The following HDAC9 variants were observed in gnomAD, a reference collection of about 807,000 sequenced individuals.
The protein encoded by HDAC9 is MEF-2 interacting transcription repressor (MITR) protein.
A neutral mutation model predicts 139.4 loss-of-function variants in HDAC9; 41 were observed. The ratio of observed to expected loss-of-function variants is 0.29; its 90% CI spans 0.23 to 0.38. The LOEUF (loss-of-function observed/expected upper bound fraction) is 0.38, where lower values mean the gene tolerates loss of function less well. Ranked by LOEUF, HDAC9 falls within the 10% of genes least tolerant of loss-of-function variation. The probability of loss-of-function intolerance (pLI) is 1.00; values close to 1 mark genes in which losing one functional copy is unlikely to be tolerated. For missense variants in HDAC9, 1,147 were observed against 1,297.0 expected, an observed-to-expected ratio of 0.88 and a Z score of 1.78; for synonymous variants, 517 against 476.2, an observed-to-expected ratio of 1.09 and a Z score of -1.12.
At chr7:18,566,670 A>G (rs1822469827) in intron 2 of HDAC9, among the ~76,000 whole-genome samples, 2 of 152,168 alleles carry the variant, frequency 1.3e-5, no homozygotes, top group African/African-American at 4.8e-5. Context: ...CTGGAGACGC[A>G]GTGTTCTTTC....
chr7:18,270,091 A>G (rs1005961944), intron 2 of HDAC9, among the ~76,000 whole-genome samples: 2 of 152,058 alleles, frequency 1.3e-5, no homozygotes, highest in African/African-American at 4.8e-5. Context: ...CATTGTGACA[A>G]CCAAAAATGT....
intron 25 of HDAC9, among the ~76,000 whole-genome samples, chr7:18,988,371 T>C (rs1297169717): frequency 2.0e-5 from 3 of 152,026 alleles, no homozygotes; most frequent in East Asian, 3.8e-4. Context: ...AGTTGAGCGG[T>C]TTTGAGTGAG....
chr7:18,943,860 C>A (rs1437652692), intron 23 of HDAC9, among the ~76,000 whole-genome samples: 2 of 152,012 alleles, frequency 1.3e-5, no homozygotes, highest in Non-Finnish European at 2.9e-5. Flanking sequence ...CACCCTATGT[C>A]ATCCACATGT....
intron 2 of HDAC9, among the ~76,000 whole-genome samples, chr7:18,267,578 C>T (rs117085841): frequency 0.013 from 1,962 of 152,196 alleles, 23 homozygotes; most frequent in Middle Eastern, 0.024. Context: ...TTTCACTGAA[C>T]GTAATGCCAT....
At position 18,815,333 on chromosome 7, in the gene HDAC9, G is replaced by A. The variant is rs112042809; in HGVS notation, c.2323-13828G>A. 7.3e-3 allele frequency among the ~76,000 whole-genome samples: 1,113 copies of A among 151,514 alleles called. 6 individuals are homozygous for A. Among genetic ancestry groups the A allele is most frequent in the Non-Finnish European group, 0.01 (707 of 67,898 alleles). On this transcript the variant is annotated intron_variant, in intron 17 of 25. Coordinates refer to ENST00000686413, the MANE Select transcript of HDAC9 (RefSeq NM_178425.4). ...AAAAATTTGGCCAATTGAATTGTTG[G>A]GCCTTATGTCAAATAAAACCACTGC... is the stretch of plus-strand genomic sequence containing the variant.
At chr7:18,700,167 G>A (rs1328249540) in intron 12 of HDAC9, among the ~76,000 whole-genome samples, 1 of 152,154 alleles carries the variant, frequency 6.6e-6, no homozygotes, top group Non-Finnish European at 1.5e-5. Flanking sequence ...TAAAGGTTTT[G>A]AGATCTTAGA....
chr7:18,605,082 G>A (rs1583993832), intron 6 of HDAC9, among the ~76,000 whole-genome samples: 1 of 152,178 alleles, frequency 6.6e-6, no homozygotes, highest in Middle Eastern at 3.4e-3. Flanking sequence ...CTGTTGTAGT[G>A]GTAAATGTCA....
chr7:18,114,509 C>CT (rs1196280241), intron 1 of HDAC9, among the ~76,000 whole-genome samples: 1 of 152,168 alleles, frequency 6.6e-6, no homozygotes, highest in African/African-American at 2.4e-5. Flanking sequence ...GGAAGGCTAC[C>CT]TTTTTAGTCC....
At chr7:18,666,719 A>G in intron 12 of HDAC9, 2 of 1,293,244 alleles carry the variant, frequency 1.5e-6, no homozygotes, top group Non-Finnish European at 2.0e-6. Flanking sequence ...GTAAGGAAAT[A>G]CCTGTTATAC....
intron 6 of HDAC9, among the ~76,000 whole-genome samples, chr7:18,618,233 G>T (rs375628449): frequency 8.6e-5 from 13 of 151,978 alleles, no homozygotes; most frequent in African/African-American, 2.9e-4. Flanking sequence ...ACTCTTTAAG[G>T]TCAGGAATGG....
At chr7:18,914,102 G>A (rs754791501) in intron 22 of HDAC9, among the ~76,000 whole-genome samples, 62 of 151,880 alleles carry the variant, frequency 4.1e-4, no homozygotes, top group Middle Eastern at 3.4e-3. Flanking sequence ...TCAATTAAGA[G>A]GCCATCGAGA....
intron 1 of HDAC9, among the ~76,000 whole-genome samples, chr7:18,306,827 T>G (rs1053100602): frequency 1.3e-5 from 2 of 152,106 alleles, no homozygotes; most frequent in African/African-American, 2.4e-5. Flanking sequence ...CTCACACTCC[T>G]TTTTGCTTGT....
At chr7:18,994,735 T>G (rs1004743996) in intron 25 of HDAC9, among the ~76,000 whole-genome samples, 9 of 152,224 alleles carry the variant, frequency 5.9e-5, no homozygotes, top group African/African-American at 1.9e-4. Flanking sequence ...CCTTTAGAGA[T>G]GCATTGAAAT....
chr7:18,883,687 G>C (rs576377353), intron 22 of HDAC9, among the ~76,000 whole-genome samples: 2 of 152,088 alleles, frequency 1.3e-5, no homozygotes, highest in African/African-American at 4.8e-5. Context: ...GTTCTATCCA[G>C]AGAAATTAGA....
intron 12 of HDAC9, among the ~76,000 whole-genome samples, chr7:18,720,330 T>C (rs954982134): frequency 6.6e-6 from 1 of 151,758 alleles, no homozygotes; most frequent in African/African-American, 2.4e-5. Context: ...ATTTTAATTA[T>C]AATTACATTT....
chr7:18,120,737 CTT>C (rs1303824169), intron 1 of HDAC9, among the ~76,000 whole-genome samples: 2 of 152,210 alleles, frequency 1.3e-5, no homozygotes, highest in East Asian at 3.9e-4. Flanking sequence ...TATATTTAGA[CTT>C]TAGTGTTGCT....
chr7:18,721,925 C>G (rs999297753), intron 12 of HDAC9, among the ~76,000 whole-genome samples: 1 of 152,190 alleles, frequency 6.6e-6, no homozygotes, highest in African/African-American at 2.4e-5. Flanking sequence ...TCCCTACCCA[C>G]TTTCAAATGA....
intron 7 of HDAC9, among the ~76,000 whole-genome samples, chr7:18,632,118 G>A (rs906773300): frequency 1.2e-4 from 18 of 151,896 alleles, no homozygotes; most frequent in African/African-American, 3.4e-4. Context: ...TTGTAAAGAC[G>A]AGAGTTAGGA....
intron 22 of HDAC9, among the ~76,000 whole-genome samples, chr7:18,888,053 CCTAA>C (rs1279543263): frequency 7.9e-5 from 12 of 152,318 alleles, no homozygotes; most frequent in East Asian, 3.9e-4. Context: ...TCCCAAGTCA[CCTAA>C]CTGTTACTTG....
Sources: gnomAD v4.1 joint callset for allele counts (sites outside exome capture counted in the v4.1 genomes callset) on GRCh38, gnomAD v4.1.1 for gene constraint, MANE v1.5 for transcripts, NCBI Gene and HGNC (gene_info 2026-07-23, HGNC 2026-07-21) for gene names.